Variants in SGK3 observed in about 807,000 individuals in gnomAD.
The protein encoded by SGK3 is serine/threonine-protein kinase Sgk3.
In SGK3, 47 loss-of-function variants were observed where a neutral mutation model predicts 68.5. That is an observed-to-expected ratio of 0.69 (90% CI 0.54 to 0.87). SGK3 has a LOEUF of 0.87. Ranked by LOEUF, SGK3 falls within the 40% of genes least tolerant of loss-of-function variation. The pLI, the probability that SGK3 is intolerant of heterozygous loss-of-function variation, is 0.00. For synonymous variants in SGK3, 181 were observed against 189.1 expected (o/e 0.96, Z 0.35); for missense variants, 479 against 575.5 (o/e 0.83, Z 1.72).
intron 1 of SGK3, among the ~76,000 whole-genome samples, chr8:66,780,506 T>C (rs1454060644): frequency 6.6e-6 from 1 of 152,074 alleles, no homozygotes; most frequent in African/African-American, 2.4e-5. Flanking sequence ...GGCCATGAAG[T>C]TTGTTGGAAG....
intron 8 of SGK3, among the ~76,000 whole-genome samples, chr8:66,834,794 G>C (rs1344287617): frequency 6.6e-6 from 1 of 151,802 alleles, no homozygotes; most frequent in Non-Finnish European, 1.5e-5. Flanking sequence ...AAATAAATTA[G>C]CCCCGTGTGG....
intron 1 of SGK3, among the ~76,000 whole-genome samples, chr8:66,730,220 G>A (rs1313260000): frequency 6.6e-6 from 1 of 152,012 alleles, no homozygotes; most frequent in Admixed American, 6.6e-5. Context: ...TTGATGTTGA[G>A]CATGTTTTCA....
intron 1 of SGK3, among the ~76,000 whole-genome samples, chr8:66,721,977 G>A (rs1428524245): frequency 1.3e-5 from 2 of 152,134 alleles, no homozygotes; most frequent in African/African-American, 2.4e-5. Flanking sequence ...TTCCAGATTT[G>A]TATCAGTAGA....
At chr8:66,720,579 G>A (rs1290408133) in intron 1 of SGK3, among the ~76,000 whole-genome samples, 1 of 150,860 alleles carries the variant, frequency 6.6e-6, no homozygotes, top group Non-Finnish European at 1.5e-5. Flanking sequence ...AGACCAGCCT[G>A]GCCAACATGG....
rs1350548983 is a variant in SGK3, at chr8:66,767,471, A to C, written c.-121-26145A>C. ...AACAGAATGCTTAAAGGAGACTGCA[A>C]CAGATTGGATTTCCATGGTGGAGAG... is the stretch of plus-strand genomic sequence containing the variant. On this transcript the variant is annotated intron_variant, in intron 1 of 16. Coordinates refer to ENST00000521198, the MANE Select transcript of SGK3 (RefSeq NM_001033578.3). 4 of 1,456,554 alleles carry C rather than the reference A, an allele frequency of 2.7e-6. No individual in the cohort carries two copies. The Admixed American group carries it at 6.7e-5, about 24-fold the overall frequency. The allele number at this position is 1,456,554 out of a possible 1,614,324, so 90.2% of individuals were successfully genotyped here. A position where few individuals can be genotyped will look rare whatever the true frequency, so the allele number is the denominator to read the frequency against.
intron 4 of SGK3, among the ~76,000 whole-genome samples, chr8:66,808,674 G>A (rs150618757): frequency 4.0e-5 from 6 of 151,262 alleles, no homozygotes; most frequent in Non-Finnish European, 7.4e-5. Flanking sequence ...CACCACACCT[G>A]GTTAATTTTG....
Position 66,785,438 on chromosome 8 carries a change from A to T in SGK3, c.-121-8178A>T, listed in dbSNP as rs55873903. Among the ~76,000 whole-genome samples the T allele has an allele frequency of 6.2e-3, 939 of 152,352 alleles. 12 individuals are homozygous for T. Among genetic ancestry groups the T allele is most frequent in the African/African-American group, 0.02 (842 of 41,576 alleles). On this transcript the variant is annotated intron_variant, in intron 1 of 16. Coordinates refer to ENST00000521198, the MANE Select transcript of SGK3 (RefSeq NM_001033578.3). ...TAAAACAGCCCTGGCATTAGTGCTC[A>T]GTAAATATTTATTTCTCAACCTTCA...
chr8:66,781,360 T>G (rs1806969021), intron 1 of SGK3, among the ~76,000 whole-genome samples: 1 of 152,164 alleles, frequency 6.6e-6, no homozygotes. Flanking sequence ...TTTTTTTGTT[T>G]TTAAAGAGAC....
chr8:66,755,641 C>A (rs1397206534), intron 1 of SGK3, among the ~76,000 whole-genome samples: 1 of 152,160 alleles, frequency 6.6e-6, no homozygotes, highest in Non-Finnish European at 1.5e-5. Flanking sequence ...CCATACAGCA[C>A]TCCCGTACTC....
intron 1 of SGK3, among the ~76,000 whole-genome samples, chr8:66,783,331 G>T (rs570335525): frequency 1.3e-5 from 2 of 152,264 alleles, no homozygotes; most frequent in East Asian, 3.9e-4. Flanking sequence ...TGTTTAAAGA[G>T]TTTTTTGTGT....
chr8:66,792,310 CAA>C (rs1807494642), intron 1 of SGK3, among the ~76,000 whole-genome samples: 1 of 102,642 alleles, frequency 9.7e-6, no homozygotes, highest in South Asian at 3.0e-4. Context: ...GCCTGGGTGA[CAA>C]GAGCAAAACT....
At chr8:66,783,753 T>A (rs1807086603) in intron 1 of SGK3, among the ~76,000 whole-genome samples, 1 of 152,140 alleles carries the variant, frequency 6.6e-6, no homozygotes, top group South Asian at 2.1e-4. Flanking sequence ...CTTGAACTCT[T>A]GGACTCAAGC....
At chr8:66,747,174 C>T (rs187839269) in intron 1 of SGK3, among the ~76,000 whole-genome samples, 99 of 152,142 alleles carry the variant, frequency 6.5e-4, no homozygotes, top group African/African-American at 2.2e-3. Context: ...GGAGAAGATT[C>T]ATAATTCAAA....
At chr8:66,809,434 A>G (rs1160968700) in intron 4 of SGK3, among the ~76,000 whole-genome samples, 3 of 152,196 alleles carry the variant, frequency 2.0e-5, no homozygotes, top group Admixed American at 6.5e-5. Context: ...ACAGGAGCCC[A>G]GTTGTCGGGG....
At chr8:66,720,877 C>T (rs527514921) in intron 1 of SGK3, among the ~76,000 whole-genome samples, 5 of 151,758 alleles carry the variant, frequency 3.3e-5, no homozygotes, top group Middle Eastern at 3.4e-3. Flanking sequence ...GCTGCAGAGG[C>T]GGAGGTTTCA....
chr8:66,744,212 T>C (rs1319323919), intron 1 of SGK3, among the ~76,000 whole-genome samples: 1 of 152,068 alleles, frequency 6.6e-6, no homozygotes, highest in African/African-American at 2.4e-5. Flanking sequence ...TGAAAATTGT[T>C]TTCCTTTAGA....
intron 1 of SGK3, among the ~76,000 whole-genome samples, chr8:66,718,909 T>TC (rs942466549): frequency 1.9e-4 from 29 of 151,912 alleles, no homozygotes; most frequent in African/African-American, 6.8e-4. Flanking sequence ...CATGCATCTT[T>TC]CCCCCCCGTT....
At position 66,801,444 on chromosome 8, in the gene SGK3, T is replaced by TA. The variant is rs200809080; in HGVS notation, c.180+2825dup. Among the ~76,000 whole-genome samples, 376 of 152,324 alleles carry TA rather than the reference T, an allele frequency of 2.5e-3. 6 individuals are homozygous for TA. The East Asian group carries it at 0.032, about 13-fold the overall frequency. The stretch of plus-strand genomic sequence containing the variant: ...CTTTCATAAGTTTTTAGTGATTTTT[T>TA]AAAAAATGGCTTATTTTGGAGGCTG... On this transcript the variant is annotated intron_variant, in intron 3 of 16. Coordinates refer to ENST00000521198, the MANE Select transcript of SGK3 (RefSeq NM_001033578.3).
chr8:66,854,059 A>T (rs1585818673), intron 16 of SGK3, among the ~76,000 whole-genome samples: 1 of 152,198 alleles, frequency 6.6e-6, no homozygotes, highest in African/African-American at 2.4e-5. Flanking sequence ...ATTCCATTCT[A>T]TGTTGGGTAC....
Sources: allele counts gnomAD v4.1 joint callset (sites outside exome capture counted in the v4.1 genomes callset), GRCh38; gene constraint gnomAD v4.1.1; transcripts MANE v1.5; gene names NCBI Gene and HGNC (gene_info 2026-07-23, HGNC 2026-07-21).